LIMD1: variants seen among roughly 807,000 people sequenced by gnomAD.
LIMD1 encodes LIM domain-containing protein 1.
In LIMD1, 23 loss-of-function variants were observed where a neutral mutation model predicts 58.4. The observed-to-expected ratio is 0.39, with a 90% CI of 0.28 to 0.56. The LOEUF (loss-of-function observed/expected upper bound fraction) is 0.56. Among genes scored for constraint, LIMD1 ranks in the 20% least tolerant of loss-of-function variants. The pLI, the probability that LIMD1 is intolerant of heterozygous loss-of-function variation, is 0.57. For synonymous variants in LIMD1, 334 were observed against 345.5 expected, an observed-to-expected ratio of 0.97 and a Z score of 0.37; for missense variants, 838 against 855.5, an observed-to-expected ratio of 0.98 and a Z score of 0.25.
chr3:45,594,888 G>C lies in LIMD1; in HGVS notation c.9G>C (p.Lys3Asn), dbSNP rs1008375203. Residue 3 changes from lysine (K) to asparagine (N), a missense_variant, in exon 1 of 8, where the codon AAG becomes AAC. This residue lies in a region of LIMD1 where 659 missense variants were observed against 639.8 expected (regional missense o/e 1.03). Coordinates refer to ENST00000273317, the MANE Select transcript of LIMD1 (RefSeq NM_014240.3). ...GGACACCTGTCTGCAGCATGGATAAGTATGACGACCTGGGCCTGGAGGCCA... is the reference window on the plus strand; with the variant it reads ...GGACACCTGTCTGCAGCATGGATAACTATGACGACCTGGGCCTGGAGGCCA... MD[K>N]YDDLGLEASK... The C allele has an allele frequency of 1.9e-6, 3 of 1,605,724 alleles. No individual in the cohort carries two copies. Among genetic ancestry groups the C allele is most frequent in the Non-Finnish European group, 2.5e-6 (3 of 1,177,442 alleles).
intron 1 of LIMD1, among the ~76,000 whole-genome samples, chr3:45,635,732 C>CAA (rs71095045): frequency 0.014 from 1,054 of 73,742 alleles, 111 homozygotes; most frequent in African/African-American, 0.06. Context: ...ATCCCCGTCT[C>CAA]AAAAAAAAAA....
chr3:45,605,622 A>G (rs1349042124), intron 1 of LIMD1, among the ~76,000 whole-genome samples: 1 of 152,224 alleles, frequency 6.6e-6, no homozygotes, highest in Non-Finnish European at 1.5e-5. Flanking sequence ...GGAAGAGTGC[A>G]TCTAATTAAA....
Position 45,651,107 on chromosome 3 carries a change from A to G in LIMD1, c.1511-14543A>G, listed in dbSNP as rs1278948616. On this transcript the variant is annotated intron_variant, in intron 2 of 7. Coordinates refer to ENST00000273317, the MANE Select transcript of LIMD1 (RefSeq NM_014240.3). The stretch of plus-strand genomic sequence containing the variant: ...GACCAGTGATGATGAGCATTTTTTC[A>G]TATGTCTGTTGGCTGCATAAATGTC... Among the ~76,000 whole-genome samples the G allele has an allele frequency of 3.3e-5, 5 of 152,028 alleles. No individual in the cohort carries two copies. The East Asian group carries it at 7.7e-4, about 24-fold the overall frequency.
intron 2 of LIMD1, among the ~76,000 whole-genome samples, chr3:45,660,101 T>C (rs1697408964): frequency 6.6e-6 from 1 of 152,240 alleles, no homozygotes; most frequent in Non-Finnish European, 1.5e-5. Flanking sequence ...TCCTTAGAAC[T>C]TGCTAACCCC....
At chr3:45,640,966 G>A (rs182425951) in intron 2 of LIMD1, among the ~76,000 whole-genome samples, 3 of 152,300 alleles carry the variant, frequency 2.0e-5, no homozygotes, top group African/African-American at 2.4e-5. Context: ...GTGTCTCAGC[G>A]GCTTCTCTTA....
At position 45,595,928 on chromosome 3, in the gene LIMD1, C is replaced by T. The variant is rs780546892; in HGVS notation, c.1049C>T (p.Pro350Leu). Residue 350 changes from proline (P) to leucine (L), a missense_variant, in exon 1 of 8, where the codon CCG (proline) becomes CTG (leucine). By Grantham distance (98) the Pro-to-Leu change is moderately conservative. This residue lies in a region of LIMD1 where 659 missense variants were observed against 639.8 expected (regional missense o/e 1.03). Transcript: ENST00000273317. ...GPKSYLSSSAPSSSPAGLDGS... is the reference protein window; with the variant it reads ...GPKSYLSSSALSSSPAGLDGS... ...AAATCTTACCTTTCCAGTTCTGCCCCGTCATCCTCGCCAGCTGGTCTGGAC... is the reference window on the plus strand; with the variant it reads ...AAATCTTACCTTTCCAGTTCTGCCCTGTCATCCTCGCCAGCTGGTCTGGAC... The T allele has an allele frequency of 2.0e-5, 32 of 1,614,094 alleles. No individual in the cohort carries two copies. The highest frequency in any genetic ancestry group is 4.0e-5 in the African/African-American group (3 of 74,940).
intron 2 of LIMD1, among the ~76,000 whole-genome samples, chr3:45,660,883 A>G (rs1697428398): frequency 2.0e-5 from 3 of 152,124 alleles, no homozygotes; most frequent in Non-Finnish European, 1.5e-5. Context: ...GTCCCTTTAT[A>G]GAGAGAAAGT....
intron 1 of LIMD1, among the ~76,000 whole-genome samples, chr3:45,626,646 T>G (rs763677710): frequency 6.6e-6 from 1 of 152,178 alleles, no homozygotes; most frequent in Non-Finnish European, 1.5e-5. Flanking sequence ...TGTTTGCTAC[T>G]GTAATAGTAG....
chr3:45,683,352 C>T lies in LIMD1; in HGVS notation c.*6293C>T, dbSNP rs1204715010. 1 of 152,150 alleles carries T rather than the reference C, an allele frequency of 6.6e-6. No individual in the cohort carries two copies. Among genetic ancestry groups the T allele is most frequent in the Non-Finnish European group, 1.5e-5 (1 of 68,034 alleles). 9.4% of individuals were successfully genotyped at this position (152,150 alleles called of 1,614,324 possible). On this transcript the variant is annotated 3_prime_UTR_variant, in exon 8 of 8. Transcript: ENST00000273317. ...AAAAGGAAAACCCCAACTTTCCACG[C>T]TCAAGTAACAAAAGGACCAGAGGCT... is the stretch of plus-strand genomic sequence containing the variant.
intron 3 of LIMD1, among the ~76,000 whole-genome samples, chr3:45,667,093 TG>T (rs1354582398): frequency 6.6e-5 from 10 of 152,248 alleles, no homozygotes; most frequent in African/African-American, 2.4e-4. Flanking sequence ...TCCTATGTGA[TG>T]GCCAGATGTT....
chr3:45,623,164 A>G (rs959480325), intron 1 of LIMD1, among the ~76,000 whole-genome samples: 2 of 152,168 alleles, frequency 1.3e-5, no homozygotes, highest in Non-Finnish European at 2.9e-5. Context: ...AGCAAGGAAC[A>G]CCTTTTTGAA....
chr3:45,647,074 G>T (rs567737766), intron 2 of LIMD1, among the ~76,000 whole-genome samples: 1 of 152,308 alleles, frequency 6.6e-6, no homozygotes, highest in South Asian at 2.1e-4. Flanking sequence ...GTCAAAAAAT[G>T]TATATGGGAG....
intron 1 of LIMD1, among the ~76,000 whole-genome samples, chr3:45,607,642 T>G (rs1013549792): frequency 1.1e-4 from 16 of 151,792 alleles, no homozygotes; most frequent in Non-Finnish European, 2.9e-5. Context: ...TCTGGAAGGA[T>G]AGTGACTGAG....
chr3:45,629,862 C>A (rs1362527440), intron 1 of LIMD1, among the ~76,000 whole-genome samples: 1 of 152,240 alleles, frequency 6.6e-6, no homozygotes, highest in African/African-American at 2.4e-5. Flanking sequence ...AAGCGAGCCA[C>A]ACTCCCATTG....
At chr3:45,598,389 T>C (rs1167566194) in intron 1 of LIMD1, among the ~76,000 whole-genome samples, 1 of 152,270 alleles carries the variant, frequency 6.6e-6, no homozygotes, top group East Asian at 1.9e-4. Flanking sequence ...TGTTTAGTTG[T>C]AAATTTCAAG....
intron 1 of LIMD1, 67 bp downstream of exon 1, chr3:45,596,354 C>T: frequency 1.6e-6 from 2 of 1,281,710 alleles, no homozygotes; most frequent in Non-Finnish European, 2.2e-6. Context: ...GGGAACATGC[C>T]CCCTACCAGG....
At chr3:45,651,470 T>C (rs905107639) in intron 2 of LIMD1, among the ~76,000 whole-genome samples, 1 of 152,196 alleles carries the variant, frequency 6.6e-6, no homozygotes, top group Non-Finnish European at 1.5e-5. Context: ...GTTTTTGGTC[T>C]TACATTTAAG....
chr3:45,602,109 A>G (rs962337464), intron 1 of LIMD1, among the ~76,000 whole-genome samples: 1 of 151,890 alleles, frequency 6.6e-6, no homozygotes, highest in Admixed American at 6.6e-5. Context: ...CGCCCAGCTA[A>G]TTTTTTATAT....
intron 6 of LIMD1, 67 bp from the exon 7 acceptor site, chr3:45,674,276 G>C: frequency 7.8e-7 from 1 of 1,284,610 alleles, no homozygotes; most frequent in Non-Finnish European, 1.1e-6. Context: ...CCACCCCACG[G>C]TACATCAAGC....
Sources: gnomAD v4.1 joint callset for allele counts (sites outside exome capture counted in the v4.1 genomes callset) on GRCh38, gnomAD v4.1.1 for gene constraint, gnomAD v4.1.1 regional missense constraint, MANE v1.5 for transcripts, NCBI Gene and HGNC (gene_info 2026-07-23, HGNC 2026-07-21) for gene names.